The following PRDM13 variants were observed in gnomAD, a reference collection of about 807,000 sequenced individuals.
The protein encoded by PRDM13 is PR/SET domain 13.
A neutral mutation model predicts 36.4 loss-of-function variants in PRDM13; 15 were observed. That is an observed-to-expected ratio of 0.41 (90% CI 0.28 to 0.64). The LOEUF (loss-of-function observed/expected upper bound fraction) is 0.64. Among genes scored for constraint, PRDM13 ranks in the 30% least tolerant of loss-of-function variants. The probability of loss-of-function intolerance (pLI) is 0.29; values close to 1 mark genes in which losing one functional copy is unlikely to be tolerated. For synonymous variants in PRDM13, 531 were observed against 467.7 expected (o/e 1.14, Z -1.75); for missense variants, 1,044 against 1,013.5 (o/e 1.03, Z -0.41).
Position 99,613,619 on chromosome 6 carries a change from G to A in PRDM13, c.984G>A (p.Arg328=). The change falls in exon 4 of 4, where the codon AGG becomes AGA. Residue 328 remains arginine, a synonymous_variant. Transcript: ENST00000369215. This position sits in a 1 kb window ranked among gnomAD's most constrained non-coding sequence, Gnocchi z 6.1. The part of the protein sequence containing the change: ...SKQGAGLALG[R]LLGGGRACGR... ...AAGGAGCCGGCCTCGCTTTGGGCAG[G>A]CTGCTGGGCGGGGGCCGGGCGTGCG... The A allele has an allele frequency of 6.8e-7, 1 of 1,469,484 alleles. No individual in the cohort carries two copies. The highest frequency in any genetic ancestry group is 8.9e-7 in the Non-Finnish European group (1 of 1,122,252). The allele number at this position is 1,469,484 out of a possible 1,614,324, so 91.0% of individuals were successfully genotyped here. A position where few individuals can be genotyped will look rare whatever the true frequency, so the allele number is the denominator to read the frequency against.
Position 99,613,274 on chromosome 6 carries a change from G to T in PRDM13, c.639G>T (p.Leu213=), listed in dbSNP as rs371879403. 4 of 1,595,500 alleles carry T rather than the reference G, an allele frequency of 2.5e-6. No individual in the cohort carries two copies. The highest frequency in any genetic ancestry group is 2.6e-6 in the Non-Finnish European group (3 of 1,172,454). The stretch of plus-strand genomic sequence containing the variant: ...CAGGAACTTTGCGACCCCACCCCCT[G>T]GGCCCGCCACCAGTTCAGGCCTGCG... ...SQAGTLRPHP[L]GPPPVQACGA... The change falls in exon 4 of 4, where the codon CTG becomes CTT. Residue 213 remains leucine, a synonymous_variant. Transcript: ENST00000369215. This position sits in a 1 kb window ranked among gnomAD's most constrained non-coding sequence, Gnocchi z 6.1.
rs201201921 is a variant in PRDM13, at chr6:99,607,160, G to A, written c.126G>A (p.Glu42=). ...KLGKYLSDRR[E]PGPKKKVRMV... is the part of the protein sequence containing the mutation. ...GCAAGTACCTGTCAGACCGCAGGGA[G>A]CCCGGGCCTAAGAAAAAGGTATTGA... Residue 42 remains glutamate, a synonymous_variant, in exon 1 of 4, where the codon GAG becomes GAA. Coordinates refer to ENST00000369215, the MANE Select transcript of PRDM13 (RefSeq NM_021620.4). 1.9e-6 allele frequency: 3 copies of A among 1,613,836 alleles called. No homozygotes were observed. The highest frequency in any genetic ancestry group is 1.7e-5 in the Admixed American group (1 of 60,010).
chr6:99,613,273 T>C lies in PRDM13; in HGVS notation c.638T>C (p.Leu213Pro), dbSNP rs1562508690. The C allele has an allele frequency of 6.3e-7, 1 of 1,595,480 alleles. No homozygotes were observed. Among genetic ancestry groups the C allele is most frequent in the East Asian group, 2.3e-5 (1 of 44,028 alleles). ...SQAGTLRPHP[L>P]GPPPVQACGA... is the part of the protein sequence containing the mutation. ...GCAGGAACTTTGCGACCCCACCCCC[T>C]GGGCCCGCCACCAGTTCAGGCCTGC... The change falls in exon 4 of 4, where the codon CTG becomes CCG. Residue 213 changes from leucine (L) to proline (P), a missense_variant. Around this residue, in one of 3 missense-constraint regions of PRDM13, gnomAD observed 921 missense variants for 865.2 expected, o/e 1.06. Coordinates refer to ENST00000369215, the MANE Select transcript of PRDM13 (RefSeq NM_021620.4). The surrounding 1 kb of genome is among the most constrained non-coding windows in gnomAD (Gnocchi z 6.1).
At position 99,608,775 on chromosome 6, in the gene PRDM13, C is replaced by T. The variant is rs1295183516; in HGVS notation, c.179C>T (p.Ser60Leu). The T allele has an allele frequency of 6.2e-7, 1 of 1,612,030 alleles. No individual in the cohort carries two copies. The highest frequency in any genetic ancestry group is 8.5e-7 in the Non-Finnish European group (1 of 1,179,164). Residue 60 changes from serine (S) to leucine (L), a missense_variant, in exon 2 of 4, where the codon TCG becomes TTG. By Grantham distance (145) the Ser-to-Leu change is moderately radical. Coordinates refer to ENST00000369215, the MANE Select transcript of PRDM13 (RefSeq NM_021620.4). ...RMVRGELVDE[S>L]GGSPLEWIGL... ...GTGAGAGGGGAGCTGGTGGACGAGT[C>T]GGGGGGCTCCCCTCTGGAGTGGATA... is the stretch of plus-strand genomic sequence containing the variant.
In PRDM13 at chr6:99,613,835, C is replaced by A. The variant is rs766020163; in HGVS notation, c.1200C>A (p.Ser400=). Residue 400 remains serine (S), a synonymous_variant, in exon 4 of 4, where the codon TCC becomes TCA. Transcript: ENST00000369215. The surrounding 1 kb of genome is among the most constrained non-coding windows in gnomAD (Gnocchi z 6.1). Reference sequence around the variant, plus strand: ...TCTCCGTCCCCCCGGAAGAGGCGTCCGCCTTCAAGCACGTGGAGCGCGCCC... The same window carrying A: ...TCTCCGTCCCCCCGGAAGAGGCGTCAGCCTTCAAGCACGTGGAGCGCGCCC... ...PLLSVPPEEA[S]AFKHVERAPP... 6.6e-7 allele frequency: 1 copy of A among 1,511,078 alleles called. No individual in the cohort carries two copies. Among genetic ancestry groups the A allele is most frequent in the East Asian group, 2.7e-5 (1 of 37,314 alleles). 93.6% of individuals were successfully genotyped at this position (1,511,078 alleles called of 1,614,324 possible).
At chr6:99,608,695 G>A (rs1769988131) in intron 1 of PRDM13, 46 bp from the exon 2 acceptor site, 4 of 1,558,330 alleles carry the variant, frequency 2.6e-6, no homozygotes, top group Admixed American at 1.9e-5. Context: ...TTGGGTTGTG[G>A]GCCTGGCCAA....
rs1770086796 is a variant in PRDM13 at position 99,614,049 on chromosome 6, G to A, written c.1414G>A (p.Gly472Ser). 1.2e-6 allele frequency: 2 copies of A among 1,608,914 alleles called. No individual in the cohort carries two copies. Among genetic ancestry groups the A allele is most frequent in the Admixed American group, 3.4e-5 (2 of 59,552 alleles). ...AGTCTACAACGGGGAGCTGCTCTAC[G>A]GCTCACCGGCCACCACCGCTTATTA... ...FTVYNGELLY[G>S]SPATTAYYPL... is the part of the protein sequence containing the mutation. The change falls in exon 4 of 4, where the codon GGC becomes AGC. Residue 472 changes from glycine (G) to serine (S), a missense_variant. By Grantham distance (56) the Gly-to-Ser change is moderately conservative. Coordinates refer to ENST00000369215, the MANE Select transcript of PRDM13 (RefSeq NM_021620.4).
rs1461616404 is a variant in PRDM13 at position 99,613,279 on chromosome 6, C to T, written c.644C>T (p.Pro215Leu). The T allele has an allele frequency of 6.3e-7, 1 of 1,592,752 alleles. No individual in the cohort carries two copies. The highest frequency in any genetic ancestry group is 8.5e-7 in the Non-Finnish European group (1 of 1,171,116). ...ACTTTGCGACCCCACCCCCTGGGCC[C>T]GCCACCAGTTCAGGCCTGCGGTGCG... ...AGTLRPHPLGPPPVQACGARE... is the reference protein window; with the variant it reads ...AGTLRPHPLGLPPVQACGARE... Residue 215 changes from proline to leucine, a missense_variant, in exon 4 of 4, where the codon CCG becomes CTG. By Grantham distance (98) the Pro-to-Leu change is moderately conservative. Coordinates refer to ENST00000369215, the MANE Select transcript of PRDM13 (RefSeq NM_021620.4). The surrounding 1 kb of genome is among the most constrained non-coding windows in gnomAD (Gnocchi z 6.1).
At chr6:99,607,717 T>A (rs186425831) in intron 1 of PRDM13, among the ~76,000 whole-genome samples, 1 of 152,288 alleles carries the variant, frequency 6.6e-6, no homozygotes, top group Admixed American at 6.5e-5. Flanking sequence ...GATGTCGGCT[T>A]GTGGGTATGC....
chr6:99,613,320 C>T lies in PRDM13; in HGVS notation c.685C>T (p.Arg229Cys), dbSNP rs778309146. ...QACGAREGIK[R>C]EASSAPSATS... ...CTGCGGTGCGCGGGAGGGCATCAAG[C>T]GCGAGGCCTCTTCCGCGCCCTCGGC... The change falls in exon 4 of 4, where the codon CGC becomes TGC. Residue 229 changes from arginine (R) to cysteine (C), a missense_variant. Physicochemically the swap from Arg to Cys is radical, Grantham distance 180. Around this residue, in one of 3 missense-constraint regions of PRDM13, gnomAD observed 921 missense variants for 865.2 expected, o/e 1.06. Transcript: ENST00000369215. This position sits in a 1 kb window ranked among gnomAD's most constrained non-coding sequence, Gnocchi z 6.1. 3.2e-6 allele frequency: 5 copies of T among 1,559,608 alleles called. No individual in the cohort carries two copies. Among genetic ancestry groups the T allele is most frequent in the Non-Finnish European group, 2.6e-6 (3 of 1,156,280 alleles).
Position 99,608,873 on chromosome 6 carries a change from G to A in PRDM13, c.276+1G>A. On this transcript the variant is annotated splice_donor_variant, in intron 2 of 3. Transcript: ENST00000369215. LOFTEE classifies it high-confidence loss of function. The stretch of plus-strand genomic sequence containing the variant: ...TATTGCAGACTTACCCGGAGGACAG[G>A]TACTGCGGGCTTCTCTCCACACCCC... The A allele has an allele frequency of 6.2e-7, 1 of 1,611,272 alleles. No individual in the cohort carries two copies. The highest frequency in any genetic ancestry group is 8.5e-7 in the Non-Finnish European group (1 of 1,178,716).
rs755081087 is a variant in PRDM13 at position 99,607,054 on chromosome 6, C to G, written c.20C>G (p.Ala7Gly). 1.8e-5 allele frequency: 29 copies of G among 1,611,460 alleles called. No individual in the cohort carries two copies. The highest frequency in any genetic ancestry group is 2.7e-5 in the African/African-American group (2 of 74,882). MHGAAR[A>G]PATSVSADCC... ...GCAACAATGCACGGAGCCGCCAGAG[C>G]GCCAGCCACCAGCGTGAGTGCCGAC... Residue 7 changes from alanine to glycine, a missense_variant, in exon 1 of 4, where the codon GCG becomes GGG. Physicochemically the swap from Ala to Gly is moderately conservative, Grantham distance 60 (BLOSUM62 0). Transcript: ENST00000369215.
In PRDM13 at chr6:99,614,253, C is replaced by A; in HGVS notation, c.1618C>A (p.Arg540Ser). Residue 540 changes from arginine (R) to serine (S), a missense_variant, in exon 4 of 4, where the codon CGC becomes AGC. This residue lies in a region of PRDM13 where 921 missense variants were observed against 865.2 expected (regional missense o/e 1.06). Transcript: ENST00000369215. ...SEMAAGKGRGRLDSGTLPPAV... is the reference protein window; with the variant it reads ...SEMAAGKGRGSLDSGTLPPAV... Reference sequence around the variant, plus strand: ...GATGGCTGCCGGGAAGGGTCGCGGACGCCTGGACTCGGGGACGTTGCCACC... The same window carrying A: ...GATGGCTGCCGGGAAGGGTCGCGGAAGCCTGGACTCGGGGACGTTGCCACC... 6.2e-7 allele frequency: 1 copy of A among 1,608,898 alleles called. No homozygotes were observed. The highest frequency in any genetic ancestry group is 8.5e-7 in the Non-Finnish European group (1 of 1,178,418).
intron 3 of PRDM13, among the ~76,000 whole-genome samples, chr6:99,611,629 AG>A (rs1241807204): frequency 1.3e-5 from 2 of 152,190 alleles, no homozygotes; most frequent in Admixed American, 6.5e-5. Context: ...CTTATGGGGT[AG>A]GGGTGGGAGC....
chr6:99,613,660 G>C lies in PRDM13; in HGVS notation c.1025G>C (p.Gly342Ala). The change falls in exon 4 of 4, where the codon GGG becomes GCG. Residue 342 changes from glycine (G) to alanine (A), a missense_variant. Physicochemically the swap from Gly to Ala is moderately conservative, Grantham distance 60. Transcript: ENST00000369215. The surrounding 1 kb of genome is among the most constrained non-coding windows in gnomAD (Gnocchi z 6.1). ...CGGGCGTGCGGGCGCCCCGGGAGCG[G>C]GGAGAACTCGGCGGCGGGCGGCGCG... is the stretch of plus-strand genomic sequence containing the variant. ...GGRACGRPGS[G>A]ENSAAGGAGH... The C allele has an allele frequency of 7.0e-7, 1 of 1,426,140 alleles. No individual in the cohort carries two copies. Among genetic ancestry groups the C allele is most frequent in the Non-Finnish European group, 9.0e-7 (1 of 1,105,598 alleles). 88.3% of individuals were successfully genotyped at this position (1,426,140 alleles called of 1,614,324 possible). A position where few individuals can be genotyped will look rare whatever the true frequency, so the allele number is the denominator to read the frequency against.
At chr6:99,610,959 TG>T (rs1394968530) in intron 3 of PRDM13, among the ~76,000 whole-genome samples, 2 of 152,110 alleles carry the variant, frequency 1.3e-5, no homozygotes, top group Admixed American at 6.5e-5. Flanking sequence ...TGAGAAGGCA[TG>T]GGTGATTTTG....
chr6:99,608,444 G>C (rs1406565808), intron 1 of PRDM13, among the ~76,000 whole-genome samples: 1 of 152,066 alleles, frequency 6.6e-6, no homozygotes, highest in Admixed American at 6.6e-5. Context: ...GGACAACTTG[G>C]TACAAGATGT....
At position 99,613,272 on chromosome 6, in the gene PRDM13, C is replaced by A; in HGVS notation, c.637C>A (p.Leu213Met). ...GGCAGGAACTTTGCGACCCCACCCCCTGGGCCCGCCACCAGTTCAGGCCTG... is the reference window on the plus strand; with the variant it reads ...GGCAGGAACTTTGCGACCCCACCCCATGGGCCCGCCACCAGTTCAGGCCTG... ...SQAGTLRPHP[L>M]GPPPVQACGA... Residue 213 changes from leucine to methionine, a missense_variant, in exon 4 of 4, where the codon CTG becomes ATG. Transcript: ENST00000369215. This position sits in a 1 kb window ranked among gnomAD's most constrained non-coding sequence, Gnocchi z 6.1. 6.3e-7 allele frequency: 1 copy of A among 1,595,948 alleles called. No homozygotes were observed. The highest frequency in any genetic ancestry group is 1.7e-5 in the Admixed American group (1 of 58,216).
At chr6:99,607,227 C>T in intron 1 of PRDM13, 49 bp downstream of exon 1, 1 of 1,600,114 alleles carries the variant, frequency 6.2e-7, no homozygotes. Context: ...TCTCAGTGCC[C>T]TGACCCGGGA....
Sources: allele counts gnomAD v4.1 joint callset (sites outside exome capture counted in the v4.1 genomes callset), GRCh38; gene constraint gnomAD v4.1.1; regional missense constraint gnomAD v4.1.1; non-coding constraint Gnocchi (gnomAD v3.1); transcripts MANE v1.5; gene names NCBI Gene and HGNC (gene_info 2026-07-23, HGNC 2026-07-21).